KSR1: variants seen among roughly 807,000 people sequenced by gnomAD.
The protein encoded by KSR1 is kinase suppressor of ras 1.
In KSR1, 35 loss-of-function variants were observed where a neutral mutation model predicts 92.9. The ratio of observed to expected loss-of-function variants is 0.38; its 90% CI spans 0.29 to 0.50. The LOEUF (loss-of-function observed/expected upper bound fraction) is 0.50, where lower values mean the gene tolerates loss of function less well. Among genes scored for constraint, KSR1 ranks in the 20% least tolerant of loss-of-function variants. KSR1 has a pLI of 0.94. For missense variants in KSR1, 972 were observed against 1,158.5 expected, an observed-to-expected ratio of 0.84 and a Z score of 2.34; for synonymous variants, 467 against 472.6, an observed-to-expected ratio of 0.99 and a Z score of 0.15.
intron 1 of KSR1, among the ~76,000 whole-genome samples, chr17:27,526,020 T>G (rs2070254619): frequency 1.0e-5 from 1 of 99,782 alleles, no homozygotes; most frequent in African/African-American, 5.6e-5. Flanking sequence ...TTCTTTTCTT[T>G]TCTTTTCTTT....
chr17:27,557,393 G>T (rs888233994), intron 2 of KSR1, among the ~76,000 whole-genome samples: 4 of 152,194 alleles, frequency 2.6e-5, no homozygotes, highest in Admixed American at 6.5e-5. Flanking sequence ...CTCTTTCCAG[G>T]CAAGAATTAG....
In KSR1 at chr17:27,605,621, G is replaced by T. The variant is rs749019786; in HGVS notation, c.1802G>T (p.Arg601Leu). The T allele has an allele frequency of 1.2e-6, 2 of 1,607,160 alleles. No individual in the cohort carries two copies. The highest frequency in any genetic ancestry group is 1.3e-5 in the African/African-American group (1 of 74,850). The stretch of plus-strand genomic sequence containing the variant: ...CTGGGCGAGCCCATCGGGCAGGGCC[G>T]CTGGGGCCGGGTGCACCGCGGCCGC... ...VELGEPIGQGRWGRVHRGRWH... is the reference protein window; with the variant it reads ...VELGEPIGQGLWGRVHRGRWH... The change falls in exon 14 of 21, where the codon CGC (arginine) becomes CTC (leucine). Residue 601 changes from arginine to leucine, a missense_variant. Coordinates refer to ENST00000644974, the MANE Select transcript of KSR1 (RefSeq NM_001394583.1).
chr17:27,612,825 A>G (rs1252405465), intron 18 of KSR1: 2 of 152,288 alleles, frequency 1.3e-5, no homozygotes, highest in African/African-American at 4.8e-5. Context: ...TGTTAAGGTC[A>G]TGAACATTGC....
chr17:27,463,463 CA>C (rs1022767172), intron 1 of KSR1, among the ~76,000 whole-genome samples: 2 of 131,364 alleles, frequency 1.5e-5, no homozygotes, highest in African/African-American at 5.8e-5. Context: ...GCCTGGATGA[CA>C]GAGAAAAAAA....
intron 1 of KSR1, among the ~76,000 whole-genome samples, chr17:27,545,857 G>A (rs932448185): frequency 6.6e-6 from 1 of 152,204 alleles, no homozygotes; most frequent in East Asian, 1.9e-4. Flanking sequence ...CCAAACGCTG[G>A]CTCAGGCTAA....
intron 6 of KSR1, among the ~76,000 whole-genome samples, chr17:27,590,568 G>A (rs970685093): frequency 3.3e-5 from 5 of 152,188 alleles, no homozygotes; most frequent in Admixed American, 3.3e-4. Context: ...TGCCAAATTG[G>A]TACTGCCAGA....
At chr17:27,600,090 C>CTTTTTTTTTT (rs552526373) in intron 10 of KSR1, among the ~76,000 whole-genome samples, 1 of 115,332 alleles carries the variant, frequency 8.7e-6, no homozygotes, top group Non-Finnish European at 1.7e-5. Context: ...TTACAGATAA[C>CTTTTTTTTTT]TTTTTTTTTT....
intron 1 of KSR1, among the ~76,000 whole-genome samples, chr17:27,474,934 G>A (rs78316167): frequency 0.018 from 2,745 of 152,246 alleles, 39 homozygotes; most frequent in Admixed American, 0.052. Context: ...ACACACTAAG[G>A]AAAATGTGTT....
In KSR1 at chr17:27,577,983, C is replaced by T. The variant is rs1416800026; in HGVS notation, c.520+344C>T. The T allele has an allele frequency of 9.7e-6, 4 of 411,212 alleles. No homozygotes were observed. The highest frequency in any genetic ancestry group is 2.1e-5 in the South Asian group (1 of 48,346). The allele number at this position is 411,212 out of a possible 1,614,324, so 25.5% of individuals were successfully genotyped here. On this transcript the variant is annotated intron_variant, in intron 3 of 20. Transcript: ENST00000644974. This position sits in a 1 kb window ranked among gnomAD's most constrained non-coding sequence, Gnocchi z 4.5. ...ACATTCCAGCCCCCAGCCCTCTCCC[C>T]GTCTTCTCCTGTCCCCATTGCTGGC...
At chr17:27,542,337 T>A (rs1303850346) in intron 1 of KSR1, among the ~76,000 whole-genome samples, 1 of 152,190 alleles carries the variant, frequency 6.6e-6, no homozygotes, top group Non-Finnish European at 1.5e-5. Context: ...CTTGGATTCA[T>A]TTACTCATTT....
intron 9 of KSR1, 96 bp from the exon 10 acceptor site, chr17:27,597,172 C>T (rs572310783): frequency 3.7e-6 from 5 of 1,347,524 alleles, no homozygotes; most frequent in Non-Finnish European, 5.1e-6. Flanking sequence ...CCTGGGCTGA[C>T]TGCTTCCTTT....
rs1407534014 is a variant in KSR1, at chr17:27,625,178, A to T, written c.*1786A>T. 6.6e-6 allele frequency: 1 copy of T among 152,134 alleles called. No individual in the cohort carries two copies. The highest frequency in any genetic ancestry group is 1.5e-5 in the Non-Finnish European group (1 of 68,048). 9.4% of individuals were successfully genotyped at this position (152,134 alleles called of 1,614,324 possible). On this transcript the variant is annotated 3_prime_UTR_variant, in exon 21 of 21. Coordinates refer to ENST00000644974, the MANE Select transcript of KSR1 (RefSeq NM_001394583.1). The stretch of plus-strand genomic sequence containing the variant: ...TCCAGCCTTTCACCTTTCTATTGCA[A>T]TGGTGGCCTTTGTCCAGGCAAGAGC...
intron 1 of KSR1, among the ~76,000 whole-genome samples, chr17:27,541,587 G>T (rs2070970363): frequency 6.6e-6 from 1 of 152,196 alleles, no homozygotes; most frequent in South Asian, 2.1e-4. Context: ...TCGCAAAAGA[G>T]GTAGACCCTG....
intron 1 of KSR1, among the ~76,000 whole-genome samples, chr17:27,539,481 C>G (rs773410701): frequency 6.6e-6 from 1 of 152,204 alleles, no homozygotes; most frequent in Non-Finnish European, 1.5e-5. Context: ...GGTCAGGTGT[C>G]TGTGCGGACA....
intron 10 of KSR1, among the ~76,000 whole-genome samples, chr17:27,598,648 G>C (rs1180699508): frequency 6.6e-6 from 1 of 152,138 alleles, no homozygotes; most frequent in Non-Finnish European, 1.5e-5. Flanking sequence ...TGTGCCTTTT[G>C]CTAAACCTCC....
chr17:27,526,961 A>T, intron 1 of KSR1: 1 of 579,438 alleles, frequency 1.7e-6, no homozygotes, highest in Non-Finnish European at 3.2e-6. Context: ...CTCTCCTTTC[A>T]TGGGCCATAA....
chr17:27,569,399 C>A (rs2072217041), intron 2 of KSR1, among the ~76,000 whole-genome samples: 1 of 152,236 alleles, frequency 6.6e-6, no homozygotes, highest in Non-Finnish European at 1.5e-5. Context: ...TGCCCGCAAG[C>A]CTGTCCTGCT....
At chr17:27,529,275 A>C (rs913577783) in intron 1 of KSR1, among the ~76,000 whole-genome samples, 1 of 152,288 alleles carries the variant, frequency 6.6e-6, no homozygotes, top group East Asian at 1.9e-4. Flanking sequence ...TACACTGTTA[A>C]AAGGGACTTA....
Position 27,617,422 on chromosome 17 carries a change from C to T in KSR1, c.2621C>T (p.Ser874Leu), listed in dbSNP as rs552851153. ...RLSHPGHFWK[S>L]ADRWRSRYYG... ...TCCCACCCTGGACACTTCTGGAAGT[C>T]AGCTGAGTAAGTGCCTCTTCCATGA... is the stretch of plus-strand genomic sequence containing the variant. Residue 874 changes from serine to leucine, a missense_variant, in exon 19 of 21, where the codon TCA becomes TTA. Physicochemically the swap from Ser to Leu is moderately radical, Grantham distance 145. Around this residue, in one of 5 missense-constraint regions of KSR1, gnomAD observed 46 missense variants for 39.0 expected, o/e 1.18. Transcript: ENST00000644974. 1.9e-6 allele frequency: 3 copies of T among 1,606,488 alleles called. No homozygotes were observed. In the African/African-American group the frequency reaches 4.0e-5, roughly 21 times the overall value.
Sources: gnomAD v4.1 joint callset for allele counts (sites outside exome capture counted in the v4.1 genomes callset) on GRCh38, gnomAD v4.1.1 for gene constraint, gnomAD v4.1.1 regional missense constraint, Gnocchi (gnomAD v3.1) non-coding constraint, MANE v1.5 for transcripts, NCBI Gene and HGNC (gene_info 2026-07-23, HGNC 2026-07-21) for gene names.